Variants in SHQ1 observed in about 807,000 individuals in gnomAD.
SHQ1 encodes the protein SHQ1, H/ACA ribonucleoprotein assembly factor, also known as protein SHQ1 homolog.
In SHQ1, 49 loss-of-function variants were observed where a neutral mutation model predicts 53.8. That is an observed-to-expected ratio of 0.91 (90% CI 0.72 to 1.16). SHQ1 has a LOEUF of 1.16. SHQ1 is among the 50% of genes most tolerant of loss of function. The pLI is 0.00. For missense variants in SHQ1, 738 were observed against 683.1 expected (o/e 1.08, Z -0.90); for synonymous variants, 243 against 251.0 (o/e 0.97, Z 0.30).
At chr3:72,810,808 C>T (rs1229259332) in intron 9 of SHQ1, among the ~76,000 whole-genome samples, 3 of 152,172 alleles carry the variant, frequency 2.0e-5, no homozygotes, top group Non-Finnish European at 4.4e-5. Flanking sequence ...AAATTCTAGA[C>T]AACCCAGCCC....
downstream of SHQ1, among the ~76,000 whole-genome samples, chr3:72,746,437 T>C (rs1374988748): frequency 6.6e-6 from 1 of 152,184 alleles, no homozygotes; most frequent in Non-Finnish European, 1.5e-5. Flanking sequence ...TCTGGAGGTG[T>C]TTTGGGTTAC....
At chr3:72,829,018 A>C (rs1323710277) in intron 5 of SHQ1, among the ~76,000 whole-genome samples, 1 of 151,968 alleles carries the variant, frequency 6.6e-6, no homozygotes, top group African/African-American at 2.4e-5. Flanking sequence ...AACCAGACAC[A>C]GATGAGGGCC....
At chr3:72,812,256 T>G (rs1249419401) in intron 9 of SHQ1, among the ~76,000 whole-genome samples, 1 of 152,194 alleles carries the variant, frequency 6.6e-6, no homozygotes, top group Non-Finnish European at 1.5e-5. Context: ...TCTTTGGAAT[T>G]GCTAACTTAC....
chr3:72,725,544 C>T, the SHQ1 span, among the ~76,000 whole-genome samples: 8 of 152,196 alleles, frequency 5.3e-5, no homozygotes, highest in African/African-American at 1.7e-4. Context: ...CGTTTCACTT[C>T]GTCCTGCTCA....
intron 9 of SHQ1, among the ~76,000 whole-genome samples, chr3:72,809,414 A>G (rs1559682542): frequency 6.6e-6 from 1 of 152,234 alleles, no homozygotes; most frequent in South Asian, 2.1e-4. Flanking sequence ...GATATGATAT[A>G]TATAGGATAT....
In SHQ1 at chr3:72,844,423, T is replaced by G. The variant is rs762060684; in HGVS notation, c.144A>C (p.Arg48Ser). 2 of 1,613,502 alleles carry G rather than the reference T, an allele frequency of 1.2e-6. No individual in the cohort carries two copies. The highest frequency in any genetic ancestry group is 2.2e-5 in the South Asian group (2 of 91,068). ...CTACAATTCTTCCAGGAAGGGTTAA[T>G]CTGCAGATTTAACACAGGTCTCATG... ...FKFYAKPYFL[R>S]LTLPGRIVEN... The change falls in exon 2 of 11, where the codon AGA (arginine) becomes AGC (serine). Residue 48 changes from arginine to serine, a missense_variant and splice_region_variant. By Grantham distance (110) the Arg-to-Ser change is moderately radical (BLOSUM62 -1). Coordinates refer to ENST00000325599, the MANE Select transcript of SHQ1 (RefSeq NM_018130.3).
the SHQ1 span, among the ~76,000 whole-genome samples, chr3:72,741,651 C>G: frequency 1.1e-4 from 16 of 151,802 alleles, no homozygotes; most frequent in African/African-American, 3.9e-4. Flanking sequence ...GACAAACAAG[C>G]CTAGCACAGC....
chr3:72,770,090 G>C (rs1370198990), intron 10 of SHQ1, among the ~76,000 whole-genome samples: 1 of 152,228 alleles, frequency 6.6e-6, no homozygotes, highest in Non-Finnish European at 1.5e-5. Context: ...GTTATGGACT[G>C]ATTGCCTGAT....
chr3:72,772,640 C>G (rs2106741467), intron 10 of SHQ1: 3 of 707,792 alleles, frequency 4.2e-6, no homozygotes, highest in South Asian at 1.5e-5. Context: ...CAAAAGGAAA[C>G]AGAAGATGTA....
chr3:72,780,493 A>G (rs1260924032), intron 10 of SHQ1, among the ~76,000 whole-genome samples: 2 of 152,212 alleles, frequency 1.3e-5, no homozygotes, highest in Non-Finnish European at 2.9e-5. Flanking sequence ...CTAAGGATAG[A>G]AATAAAATCT....
At chr3:72,745,321 CTT>C (rs892833395), downstream of SHQ1, among the ~76,000 whole-genome samples, 4 of 152,286 alleles carry the variant, frequency 2.6e-5, no homozygotes, top group African/African-American at 9.6e-5. Context: ...AGGGAGCACT[CTT>C]GTCTCATTTG....
At chr3:72,836,598 T>A (rs1322151209) in intron 4 of SHQ1, among the ~76,000 whole-genome samples, 2 of 152,274 alleles carry the variant, frequency 1.3e-5, no homozygotes, top group East Asian at 3.9e-4. Context: ...ACATGAGTGT[T>A]CAGAGCAGTG....
At chr3:72,818,984 A>G (rs536229749) in intron 6 of SHQ1, among the ~76,000 whole-genome samples, 6 of 152,304 alleles carry the variant, frequency 3.9e-5, no homozygotes, top group Non-Finnish European at 8.8e-5. Context: ...ACAGCCTCCA[A>G]CATCTGTTTT....
intron 10 of SHQ1, among the ~76,000 whole-genome samples, chr3:72,784,224 CTTT>C (rs1364239843): frequency 2.0e-5 from 3 of 149,678 alleles, no homozygotes; most frequent in Non-Finnish European, 3.0e-5. Flanking sequence ...ATATATAATT[CTTT>C]TGTTAGTTTT....
downstream of SHQ1, among the ~76,000 whole-genome samples, chr3:72,744,307 A>G (rs540868403): frequency 6.6e-6 from 1 of 152,360 alleles, no homozygotes; most frequent in Admixed American, 6.5e-5. Context: ...CACTTAAAAT[A>G]TGGAGACAGA....
chr3:72,769,709 T>C (rs1211995963), intron 10 of SHQ1, among the ~76,000 whole-genome samples: 3 of 152,220 alleles, frequency 2.0e-5, no homozygotes, highest in African/African-American at 7.2e-5. Flanking sequence ...AGCAGTCCTC[T>C]AATTCTGCCC....
At chr3:72,795,521 A>G (rs575462523) in intron 9 of SHQ1, 21 of 152,336 alleles carry the variant, frequency 1.4e-4, no homozygotes, top group African/African-American at 4.6e-4. Context: ...ACTGACCTGT[A>G]AGAATGTTTT....
intron 1 of SHQ1, chr3:72,846,108 A>G: frequency 1.8e-6 from 2 of 1,114,034 alleles, no homozygotes; most frequent in Non-Finnish European, 2.6e-6. Context: ...GGCCGGCACA[A>G]CAGGTGAGCA....
At position 72,750,176 on chromosome 3, in the gene SHQ1, G is replaced by A; in HGVS notation, c.*108C>T. The A allele has an allele frequency of 1.1e-6, 1 of 941,968 alleles. No homozygotes were observed. Among genetic ancestry groups the A allele is most frequent in the Non-Finnish European group, 1.6e-6 (1 of 622,802 alleles). The allele number at this position is 941,968 out of a possible 1,614,324, so 58.4% of individuals were successfully genotyped here. On this transcript the variant is annotated 3_prime_UTR_variant, in exon 11 of 11. Transcript: ENST00000325599. ...GATGTGGAACACACAAATACAGTGGGCTGACTATATACTAAGAAAAATTAC... is the reference window on the plus strand; with the variant it reads ...GATGTGGAACACACAAATACAGTGGACTGACTATATACTAAGAAAAATTAC...
Sources: allele counts gnomAD v4.1 joint callset (sites outside exome capture counted in the v4.1 genomes callset), GRCh38; gene constraint gnomAD v4.1.1; transcripts MANE v1.5; gene names NCBI Gene and HGNC (gene_info 2026-07-23, HGNC 2026-07-21).